PACC1: variants seen among roughly 807,000 people sequenced by gnomAD.
PACC1 encodes the protein proton activated chloride channel 1, also known as proton-activated chloride channel.
Under a neutral mutation model 39.7 loss-of-function variants are expected in PACC1, and 34 were observed. That is an observed-to-expected ratio of 0.86 (90% CI 0.65 to 1.14). The LOEUF (loss-of-function observed/expected upper bound fraction) is 1.14. Among genes scored for constraint, PACC1 ranks in the 50% most tolerant of loss-of-function variants. PACC1 has a pLI of 0.00. For synonymous variants in PACC1, 127 were observed against 160.6 expected (o/e 0.79, Z 1.58); for missense variants, 379 against 436.4 (o/e 0.87, Z 1.17).
At chr1:212,390,877 G>A (rs371718709) in intron 2 of PACC1, among the ~76,000 whole-genome samples, 3 of 152,194 alleles carry the variant, frequency 2.0e-5, no homozygotes, top group South Asian at 2.1e-4. Flanking sequence ...ACTGCAAGGC[G>A]GCAGTGAGGC....
intron 6 of PACC1, chr1:212,377,012 G>A (rs1167728944): frequency 6.6e-6 from 1 of 152,528 alleles, no homozygotes; most frequent in East Asian, 1.9e-4. Flanking sequence ...TATATCACCT[G>A]CAGAGTTATA....
chr1:212,386,790 C>T lies in PACC1; in HGVS notation c.343+101G>A. 5.8e-6 allele frequency: 7 copies of T among 1,205,938 alleles called. No individual in the cohort carries two copies. The highest frequency in any genetic ancestry group is 8.5e-6 in the Non-Finnish European group (7 of 826,064). The allele number at this position is 1,205,938 out of a possible 1,614,324, so 74.7% of individuals were successfully genotyped here. A position where few individuals can be genotyped will look rare whatever the true frequency, so the allele number is the denominator to read the frequency against. On this transcript the variant is annotated intron_variant, in intron 3 of 7. Transcript: ENST00000261455. This position sits in a 1 kb window ranked among gnomAD's most constrained non-coding sequence, Gnocchi z 5.0. ...ACTATGCTTGGTTGGACTCCTCTGC[C>T]CTGCCCGTAGTACCACAAATACAAC...
At chr1:212,400,659 C>T (rs1197975166) in intron 2 of PACC1, among the ~76,000 whole-genome samples, 5 of 152,088 alleles carry the variant, frequency 3.3e-5, no homozygotes, top group South Asian at 2.1e-4. Context: ...AAATGTCCCA[C>T]GCACTATGTA....
rs1396263307 is a variant in PACC1 at position 212,386,938 on chromosome 1, G to T, written c.296C>A (p.Pro99His). 1 of 1,614,214 alleles carries T rather than the reference G, an allele frequency of 6.2e-7. No individual in the cohort carries two copies. The highest frequency in any genetic ancestry group is 1.1e-5 in the South Asian group (1 of 91,084). Residue 99 changes from proline to histidine, a missense_variant, in exon 3 of 8, where the codon CCT becomes CAT. Coordinates refer to ENST00000261455, the MANE Select transcript of PACC1 (RefSeq NM_018252.3). The surrounding 1 kb of genome is among the most constrained non-coding windows in gnomAD (Gnocchi z 5.0). ...ITDFREKLKHPVMSVSYKEVD... is the reference protein window; with the variant it reads ...ITDFREKLKHHVMSVSYKEVD... ...TTCCTTGTAAGACACAGACATGACA[G>T]GGTGCTTGAGTTTCTCACGAAAGTC...
chr1:212,387,067 C>G lies in PACC1; in HGVS notation c.167G>C (p.Arg56Pro), dbSNP rs200927148. The G allele has an allele frequency of 6.2e-7, 1 of 1,614,110 alleles. No homozygotes were observed. The highest frequency in any genetic ancestry group is 1.1e-5 in the South Asian group (1 of 91,084). The change falls in exon 3 of 8, where the codon CGC becomes CCC. Residue 56 changes from arginine (R) to proline (P), a missense_variant. By Grantham distance (103) the Arg-to-Pro change is moderately radical. Transcript: ENST00000261455. ...LDSESASSSI[R>P]FSKACLKNVF... The stretch of plus-strand genomic sequence containing the variant: ...GTTCTTCAGGCAGGCCTTGCTGAAG[C>G]GGATGCTGCTGGAGGCGGACTCGCT...
intron 6 of PACC1, 120 bp downstream of exon 6, chr1:212,377,442 C>T: frequency 1.5e-6 from 2 of 1,374,268 alleles, no homozygotes; most frequent in Non-Finnish European, 2.0e-6. Context: ...TCATCCTGAC[C>T]AAGGCCTACT....
At chr1:212,387,552 A>C in intron 2 of PACC1, 1 of 163,748 alleles carries the variant, frequency 6.1e-6, no homozygotes, top group Non-Finnish European at 1.3e-5. Context: ...CTCCACCTCT[A>C]CTCATCGACT....
intron 6 of PACC1, among the ~76,000 whole-genome samples, 159 bp downstream of exon 6, chr1:212,377,403 C>T (rs1370464097): frequency 6.6e-6 from 1 of 152,206 alleles, no homozygotes; most frequent in Non-Finnish European, 1.5e-5. Context: ...CCTGGCATAG[C>T]ATATGAAGCC....
In PACC1 at chr1:212,364,474, T is replaced by C. The variant is rs1660161298; in HGVS notation, c.*741A>G. ...GCAGATATTCATATTGTCACACTCGTTCCTTTTGTATTAACTTTTATTTAC... is the reference window on the plus strand; with the variant it reads ...GCAGATATTCATATTGTCACACTCGCTCCTTTTGTATTAACTTTTATTTAC... On this transcript the variant is annotated 3_prime_UTR_variant, in exon 8 of 8. Coordinates refer to ENST00000261455, the MANE Select transcript of PACC1 (RefSeq NM_018252.3). 6.6e-6 allele frequency: 1 copy of C among 152,536 alleles called. No homozygotes were observed. Among genetic ancestry groups the C allele is most frequent in the African/African-American group, 2.4e-5 (1 of 41,462 alleles). The allele number at this position is 152,536 out of a possible 1,614,324, so 9.4% of individuals were successfully genotyped here.
At chr1:212,397,766 T>G (rs1400413350) in intron 2 of PACC1, among the ~76,000 whole-genome samples, 1 of 152,220 alleles carries the variant, frequency 6.6e-6, no homozygotes, top group Non-Finnish European at 1.5e-5. Flanking sequence ...CAGCAAAGAC[T>G]CTGTGGAGGG....
chr1:212,368,067 TTGCC>T (rs2102463283), intron 7 of PACC1, among the ~76,000 whole-genome samples: 1 of 152,228 alleles, frequency 6.6e-6, no homozygotes, highest in South Asian at 2.1e-4. Flanking sequence ...ATAAGGGACT[TTGCC>T]TGGGAACCCC....
In PACC1 at chr1:212,386,835, G is replaced by T; in HGVS notation, c.343+56C>A. ...TACAACGGCAGCTCAGGGAGTATCT[G>T]CCAGCTGACACCCTAGATCTGGGGC... On this transcript the variant is annotated intron_variant, in intron 3 of 7. Transcript: ENST00000261455. The surrounding 1 kb of genome is among the most constrained non-coding windows in gnomAD (Gnocchi z 5.0). 4 of 1,560,686 alleles carry T rather than the reference G, an allele frequency of 2.6e-6. No individual in the cohort carries two copies. The highest frequency in any genetic ancestry group is 2.2e-5 in the East Asian group (1 of 44,578).
intron 2 of PACC1, among the ~76,000 whole-genome samples, chr1:212,391,266 C>G (rs1440014035): frequency 6.6e-6 from 1 of 152,184 alleles, no homozygotes; most frequent in African/African-American, 2.4e-5. Context: ...GATCAGACAG[C>G]AACATTGGCT....
chr1:212,373,620 G>A (rs890885406), intron 7 of PACC1, among the ~76,000 whole-genome samples: 1 of 152,070 alleles, frequency 6.6e-6, no homozygotes, highest in South Asian at 2.1e-4. Flanking sequence ...TTAGTAACCA[G>A]AATATATAAG....
At chr1:212,366,404 T>C (rs1171409135) in intron 7 of PACC1, among the ~76,000 whole-genome samples, 1 of 149,882 alleles carries the variant, frequency 6.7e-6, no homozygotes, top group African/African-American at 2.5e-5. Context: ...GGGTTCAATC[T>C]ATTCTCCTGC....
intron 7 of PACC1, among the ~76,000 whole-genome samples, chr1:212,370,050 C>T (rs1224068647): frequency 6.6e-6 from 1 of 152,230 alleles, no homozygotes; most frequent in Non-Finnish European, 1.5e-5. Flanking sequence ...GACTGCAATA[C>T]AGTAATAGTA....
At chr1:212,396,489 G>A (rs1331224803) in intron 2 of PACC1, among the ~76,000 whole-genome samples, 1 of 151,978 alleles carries the variant, frequency 6.6e-6, no homozygotes, top group Non-Finnish European at 1.5e-5. Flanking sequence ...TAATGTAAAT[G>A]ACGAGTTAAT....
chr1:212,386,902 T>C lies in PACC1; in HGVS notation c.332A>G (p.Tyr111Cys), dbSNP rs148827166. Residue 111 changes from tyrosine (Y) to cysteine (C), a missense_variant, in exon 3 of 8, where the codon TAT becomes TGT. By Grantham distance (194) the Tyr-to-Cys change is radical. Coordinates refer to ENST00000261455, the MANE Select transcript of PACC1 (RefSeq NM_018252.3). The surrounding 1 kb of genome is among the most constrained non-coding windows in gnomAD (Gnocchi z 5.0). ...MSVSYKEVDR[Y>C]DAPGIALYPG... is the part of the protein sequence containing the mutation. ...GGGGCAGGCTCTACCTGGGGCATCA[T>C]AGCGATCCACTTCCTTGTAAGACAC... 15 of 1,614,032 alleles carry C rather than the reference T, an allele frequency of 9.3e-6. No individual in the cohort carries two copies. The highest frequency in any genetic ancestry group is 6.7e-5 in the Admixed American group (4 of 60,002).
chr1:212,404,804 T>C (rs1393696864), intron 2 of PACC1, among the ~76,000 whole-genome samples: 1 of 152,000 alleles, frequency 6.6e-6, no homozygotes, highest in Non-Finnish European at 1.5e-5. Flanking sequence ...AATCTTGCTC[T>C]ATCACCCAGT....
Sources: gnomAD v4.1 joint callset for allele counts (sites outside exome capture counted in the v4.1 genomes callset) on GRCh38, gnomAD v4.1.1 for gene constraint, Gnocchi (gnomAD v3.1) non-coding constraint, MANE v1.5 for transcripts, NCBI Gene and HGNC (gene_info 2026-07-23, HGNC 2026-07-21) for gene names.